Variants in DYNC1H1 observed in about 807,000 individuals in gnomAD.
The protein encoded by DYNC1H1 is dynein cytoplasmic 1 heavy chain 1.
In DYNC1H1, 51 loss-of-function variants were observed where a neutral mutation model predicts 527.1. The observed-to-expected ratio is 0.10, with a 90% CI of 0.08 to 0.12. The LOEUF is 0.12. Among genes scored for constraint, DYNC1H1 ranks in the 10% least tolerant of loss-of-function variants. The pLI is 1.00. For synonymous variants in DYNC1H1, 2,189 were observed against 2,278.8 expected, an observed-to-expected ratio of 0.96 and a Z score of 1.12; for missense variants, 2,771 against 5,971.8, an observed-to-expected ratio of 0.46 and a Z score of 17.66.
Position 102,044,479 on chromosome 14 carries a change from C to T in DYNC1H1, c.12890C>T (p.Pro4297Leu). 6.2e-7 allele frequency: 1 copy of T among 1,614,200 alleles called. No individual in the cohort carries two copies. The highest frequency in any genetic ancestry group is 8.5e-7 in the Non-Finnish European group (1 of 1,180,042). ...KVDGHKDIQM[P>L]DGIRREEFVQ... The stretch of plus-strand genomic sequence containing the variant: ...GACGGACATAAAGACATTCAAATGC[C>T]AGATGGCATCAGGTATGCTGCTGCC... The change falls in exon 71 of 78, where the codon CCA becomes CTA. Residue 4297 changes from proline (P) to leucine (L), a missense_variant. Physicochemically the swap from Pro to Leu is moderately conservative, Grantham distance 98 (BLOSUM62 -3). Around this residue, in one of 32 missense-constraint regions of DYNC1H1, gnomAD observed 195 missense variants for 428.6 expected, o/e 0.45. Coordinates refer to ENST00000360184, the MANE Select transcript of DYNC1H1 (RefSeq NM_001376.5). This position sits in a 1 kb window ranked among gnomAD's most constrained non-coding sequence, Gnocchi z 7.1.
intron 4 of DYNC1H1, 91 bp from the exon 5 acceptor site, chr14:101,980,273 A>G: frequency 6.7e-7 from 1 of 1,484,252 alleles, no homozygotes; most frequent in South Asian, 1.2e-5. Flanking sequence ...GAAATATAAA[A>G]ATTGAGTTGT....
intron 72 of DYNC1H1, 178 bp from the exon 73 acceptor site, chr14:102,047,639 G>GTACATATATATATA: frequency 1.1e-5 from 4 of 352,000 alleles, no homozygotes; most frequent in East Asian, 1.2e-4. Flanking sequence ...GTGTGTGTGT[G>GTACATATATATATA]TGTATATATA....
At chr14:102,000,243 T>C in intron 17 of DYNC1H1, 43 bp from the exon 18 acceptor site, 2 of 1,614,136 alleles carry the variant, frequency 1.2e-6, no homozygotes, top group Non-Finnish European at 1.7e-6. Flanking sequence ...TCTGGGGTGA[T>C]TTCTATTTCC....
In DYNC1H1 at chr14:101,964,858, TGGA is replaced by T. The variant is rs2141258625; in HGVS notation, c.172_174del (p.Glu58del). 1.3e-6 allele frequency: 2 copies of T among 1,598,458 alleles called. No individual in the cohort carries two copies. Among genetic ancestry groups the T allele is most frequent in the Non-Finnish European group, 1.7e-6 (2 of 1,173,370 alleles). ...GCGCCGGCCGCGCTGGAGGCGGCGC[TGGA>T]GGAGAAGAGCGCCCTGGAGCAGATG... On this transcript the variant is annotated inframe_deletion, in exon 1 of 78. Transcript: ENST00000360184. The surrounding 1 kb of genome is among the most constrained non-coding windows in gnomAD (Gnocchi z 5.5).
At chr14:102,032,590 G>A (rs1047889837) in intron 52 of DYNC1H1, 123 bp downstream of exon 52, 64 of 1,279,034 alleles carry the variant, frequency 5.0e-5, no homozygotes, top group Non-Finnish European at 6.5e-5. Context: ...AGTGGCTCAC[G>A]GCTCCAATCC....
At position 101,964,597 on chromosome 14, in the gene DYNC1H1, T is replaced by A; in HGVS notation, c.-95T>A. 6.5e-7 allele frequency: 1 copy of A among 1,528,364 alleles called. No individual in the cohort carries two copies. The highest frequency in any genetic ancestry group is 8.7e-7 in the Non-Finnish European group (1 of 1,143,238). The allele number at this position is 1,528,364 out of a possible 1,614,324, so 94.7% of individuals were successfully genotyped here. On this transcript the variant is annotated 5_prime_UTR_variant, in exon 1 of 78. Transcript: ENST00000360184. This position sits in a 1 kb window ranked among gnomAD's most constrained non-coding sequence, Gnocchi z 5.5. ...CAGTCTGCGGTGGGCTAGCGGACGG[T>A]CCGGCTTCCGGCGGCCGTTTCTGTC...
In DYNC1H1 at chr14:102,041,672, G is replaced by A; in HGVS notation, c.12040G>A (p.Gly4014Arg). The A allele has an allele frequency of 3.7e-6, 6 of 1,614,164 alleles. No homozygotes were observed. Among genetic ancestry groups the A allele is most frequent in the Non-Finnish European group, 4.2e-6 (5 of 1,180,036 alleles). ...CCACATGTTTGTTTCAACAAACCTT[G>A]GGGAGTCTTTCATGTCCATCATGGA... ...MAHMFVSTNL[G>R]ESFMSIMEQP... The change falls in exon 65 of 78, where the codon GGG becomes AGG. Residue 4014 changes from glycine to arginine, a missense_variant. Gly to Arg is a moderately radical substitution (Grantham distance 125). Transcript: ENST00000360184. This position sits in a 1 kb window ranked among gnomAD's most constrained non-coding sequence, Gnocchi z 4.5.
chr14:102,039,909 C>G lies in DYNC1H1; in HGVS notation c.11690+177C>G, dbSNP rs1029362073. ...CTGGAGTGCCGTGGTGTAATCTCAC[C>G]TCACTGCAACCTCCACCTCCCAGGT... On this transcript the variant is annotated intron_variant, in intron 62 of 77. Transcript: ENST00000360184. The surrounding 1 kb of genome is among the most constrained non-coding windows in gnomAD (Gnocchi z 7.0). 6.6e-6 allele frequency among the ~76,000 whole-genome samples: 1 copy of G among 152,178 alleles called. No individual in the cohort carries two copies. The highest frequency in any genetic ancestry group is 6.5e-5 in the Admixed American group (1 of 15,278).
rs1243174404 is a variant in DYNC1H1, at chr14:101,997,467, CTCAGAATGGCAT to C, written c.3804+198_3804+209del. 1.3e-5 allele frequency among the ~76,000 whole-genome samples: 2 copies of C among 152,208 alleles called. No homozygotes were observed. Among genetic ancestry groups the C allele is most frequent in the Non-Finnish European group, 2.9e-5 (2 of 68,040 alleles). ...GAAGCCCAGCTTAGACCTCTTTTTA[CTCAGAATGGCAT>C]TCAGTAGCTGGTTTTAAGGATTAAA... On this transcript the variant is annotated intron_variant, in intron 16 of 77. Coordinates refer to ENST00000360184, the MANE Select transcript of DYNC1H1 (RefSeq NM_001376.5). This position sits in a 1 kb window ranked among gnomAD's most constrained non-coding sequence, Gnocchi z 4.8.
At chr14:102,045,379 G>C (rs1012649840) in intron 72 of DYNC1H1, 1 of 147,632 alleles carries the variant, frequency 6.8e-6, no homozygotes, top group African/African-American at 2.4e-5. Flanking sequence ...GGGAGGCTGA[G>C]GTGGATGGAT....
chr14:101,981,758 G>GT (rs1418482176), intron 5 of DYNC1H1, among the ~76,000 whole-genome samples: 1 of 152,010 alleles, frequency 6.6e-6, no homozygotes, highest in Non-Finnish European at 1.5e-5. Flanking sequence ...TGAAACTTTT[G>GT]TTTTTTTCCT....
chr14:102,003,733 C>G (rs1454732492), intron 23 of DYNC1H1, among the ~76,000 whole-genome samples: 2 of 149,924 alleles, frequency 1.3e-5, no homozygotes, highest in African/African-American at 4.9e-5. Flanking sequence ...TTAGGACCAG[C>G]CTGGACAACA....
At chr14:101,984,450 ATT>A (rs34383305) in intron 7 of DYNC1H1, among the ~76,000 whole-genome samples, 16 of 69,954 alleles carry the variant, frequency 2.3e-4, no homozygotes, top group African/African-American at 1.0e-3. Context: ...TATATATTAT[ATT>A]TTTTTTTTTT....
Position 102,029,529 on chromosome 14 carries a change from T to G in DYNC1H1, c.9469-10T>G. ...CTGAAGAGTGAGAAGATGTAACTAT[T>G]TTCTGAAAGGCGAATGCTCGGCTAG... On this transcript the variant is annotated splice_polypyrimidine_tract_variant and intron_variant, in intron 48 of 77. Coordinates refer to ENST00000360184, the MANE Select transcript of DYNC1H1 (RefSeq NM_001376.5). The surrounding 1 kb of genome is among the most constrained non-coding windows in gnomAD (Gnocchi z 5.3). The G allele has an allele frequency of 6.2e-7, 1 of 1,614,150 alleles. No homozygotes were observed. Among genetic ancestry groups the G allele is most frequent in the Non-Finnish European group, 8.5e-7 (1 of 1,180,016 alleles).
rs903380272 is a variant in DYNC1H1, at chr14:102,005,553, C to T, written c.5433+317C>T. Among the ~76,000 whole-genome samples the T allele has an allele frequency of 1.3e-5, 2 of 152,240 alleles. No individual in the cohort carries two copies. Among genetic ancestry groups the T allele is most frequent in the African/African-American group, 4.8e-5 (2 of 41,476 alleles). ...AGCTGCACGGCACGGGCAGTGCTTG[C>T]TGCGAGCCCCATGGCGGCACGTGGC... On this transcript the variant is annotated intron_variant, in intron 26 of 77. Transcript: ENST00000360184. The surrounding 1 kb of genome is among the most constrained non-coding windows in gnomAD (Gnocchi z 4.0).
At chr14:101,988,384 T>C (rs2047959450) in intron 9 of DYNC1H1, among the ~76,000 whole-genome samples, 1 of 152,216 alleles carries the variant, frequency 6.6e-6, no homozygotes, top group South Asian at 2.1e-4. Flanking sequence ...AAAGCACACT[T>C]ACCAATCCAC....
In DYNC1H1 at chr14:101,997,101, A is replaced by G. The variant is rs1595606684; in HGVS notation, c.3631A>G (p.Ile1211Val). 1.2e-6 allele frequency: 2 copies of G among 1,614,192 alleles called. No homozygotes were observed. The highest frequency in any genetic ancestry group is 2.2e-5 in the East Asian group (1 of 44,884). The change falls in exon 16 of 78, where the codon ATT (isoleucine) becomes GTT (valine). Residue 1211 changes from isoleucine to valine, a missense_variant. This residue lies in a region of DYNC1H1 where 223 missense variants were observed against 462.5 expected (regional missense o/e 0.48). Transcript: ENST00000360184. This position sits in a 1 kb window ranked among gnomAD's most constrained non-coding sequence, Gnocchi z 4.8. ...CCAGTTCCCACCTTCCTGGCTTTAT[A>G]TTGACAACATCGAGGGAGAGTGGGG... is the stretch of plus-strand genomic sequence containing the variant. Reference protein sequence around the residue: ...RFQFPPSWLYIDNIEGEWGAF... With the variant: ...RFQFPPSWLYVDNIEGEWGAF...
chr14:102,036,371 T>C lies in DYNC1H1; in HGVS notation c.10755-118T>C. ...ACCTGAAAACGTCTCCGGAAACCAC[T>C]CTCGGGTGGTGGTAACAGCCTATCA... On this transcript the variant is annotated intron_variant, in intron 56 of 77. Coordinates refer to ENST00000360184, the MANE Select transcript of DYNC1H1 (RefSeq NM_001376.5). This position sits in a 1 kb window ranked among gnomAD's most constrained non-coding sequence, Gnocchi z 5.6. 2.2e-6 allele frequency: 3 copies of C among 1,373,124 alleles called. No homozygotes were observed. In the Admixed American group the frequency reaches 5.1e-5, roughly 23 times the overall value. The allele number at this position is 1,373,124 out of a possible 1,614,324, so 85.1% of individuals were successfully genotyped here. A position where few individuals can be genotyped will look rare whatever the true frequency, so the allele number is the denominator to read the frequency against.
chr14:102,039,258 G>A lies in DYNC1H1; in HGVS notation c.11460+4G>A, dbSNP rs201518717. The A allele has an allele frequency of 2.7e-5, 43 of 1,613,136 alleles. No homozygotes were observed. Among genetic ancestry groups the A allele is most frequent in the Admixed American group, 1.3e-4 (8 of 60,004 alleles). On this transcript the variant is annotated splice_donor_region_variant and intron_variant, in intron 60 of 77. Transcript: ENST00000360184. This position sits in a 1 kb window ranked among gnomAD's most constrained non-coding sequence, Gnocchi z 7.0. ...CACCATGGAGTCCCTCAAGCAGGTGGGTGCCTTGGCCATGCAGAGACTGGC... is the reference window on the plus strand; with the variant it reads ...CACCATGGAGTCCCTCAAGCAGGTGAGTGCCTTGGCCATGCAGAGACTGGC...
Sources: gnomAD v4.1 joint callset for allele counts (sites outside exome capture counted in the v4.1 genomes callset) on GRCh38, gnomAD v4.1.1 for gene constraint, gnomAD v4.1.1 regional missense constraint, Gnocchi (gnomAD v3.1) non-coding constraint, MANE v1.5 for transcripts, NCBI Gene and HGNC (gene_info 2026-07-23, HGNC 2026-07-21) for gene names.